Variants in ADAMTSL4 observed in about 807,000 individuals in gnomAD.
The protein encoded by ADAMTSL4 is ADAMTS-like protein 4.
ADAMTSL4 carries 97 observed loss-of-function variants against 122.8 expected under a neutral mutation model. The observed-to-expected ratio is 0.79, with a 90% CI of 0.67 to 0.93. The LOEUF is 0.93. ADAMTSL4 is among the 40% of genes least tolerant of loss of function. The pLI is 0.00. For synonymous variants in ADAMTSL4, 592 were observed against 568.0 expected (o/e 1.04, Z -0.60); for missense variants, 1,408 against 1,453.5 (o/e 0.97, Z 0.51).
intron 12 of ADAMTSL4, 65 bp downstream of exon 12, chr1:150,557,400 T>C (rs2101638736): frequency 6.2e-7 from 1 of 1,604,838 alleles, no homozygotes; most frequent in Admixed American, 1.7e-5. Context: ...TCCCGCATCC[T>C]GGATTGTGGG....
rs587675749 is a variant in ADAMTSL4 at position 150,556,254 on chromosome 1, G to C, written c.1464G>C (p.Ser488=). 1 of 1,613,964 alleles carries C rather than the reference G, an allele frequency of 6.2e-7. No individual in the cohort carries two copies. Among genetic ancestry groups the C allele is most frequent in the African/African-American group, 1.3e-5 (1 of 74,906 alleles). The change falls in exon 9 of 19, where the codon TCG becomes TCC. Residue 488 remains serine, a synonymous_variant. Coordinates refer to ENST00000271643, the MANE Select transcript of ADAMTSL4 (RefSeq NM_019032.6). This position sits in a 1 kb window ranked among gnomAD's most constrained non-coding sequence, Gnocchi z 4.1. ...ATGATTCTACCTGTCGCCTTGTTTC[G>C]GGGAACCTCACTGACCGAGGGGGCC... ...GGDDSTCRLV[S]GNLTDRGGPL...
Position 150,556,449 on chromosome 1 carries a change from C to T in ADAMTSL4, c.1576+83C>T. ...TACTCAGAGCAGTGAGCAAGCCAAA[C>T]AGGGGGAAGTCCAGGGCCTAGCCCC... On this transcript the variant is annotated intron_variant, in intron 9 of 18. Coordinates refer to ENST00000271643, the MANE Select transcript of ADAMTSL4 (RefSeq NM_019032.6). This position sits in a 1 kb window ranked among gnomAD's most constrained non-coding sequence, Gnocchi z 4.1. The T allele has an allele frequency of 6.3e-7, 1 of 1,586,872 alleles. No homozygotes were observed. Among genetic ancestry groups the T allele is most frequent in the East Asian group, 2.3e-5 (1 of 44,294 alleles).
chr1:150,558,544 G>A lies in ADAMTSL4; in HGVS notation c.2454G>A (p.Val818=), dbSNP rs1672447096. The A allele has an allele frequency of 1.2e-6, 2 of 1,613,876 alleles. No homozygotes were observed. The highest frequency in any genetic ancestry group is 1.1e-5 in the South Asian group (1 of 91,080). The stretch of plus-strand genomic sequence containing the variant: ...GTGTTGGGAACAATGGTGATGAAGT[G>A]AGCGAGCAGGAGTGTGCGTCAGGCC... ...VRCVGNNGDE[V]SEQECASGPP... Residue 818 remains valine, a synonymous_variant, in exon 15 of 19, where the codon GTG becomes GTA. Coordinates refer to ENST00000271643, the MANE Select transcript of ADAMTSL4 (RefSeq NM_019032.6).
chr1:150,553,062 T>C lies in ADAMTSL4; in HGVS notation c.243T>C (p.Ser81=). 1 of 1,613,062 alleles carries C rather than the reference T, an allele frequency of 6.2e-7. No individual in the cohort carries two copies. ...CQLPTVQLHP[S]LPLPPRPPRH... The stretch of plus-strand genomic sequence containing the variant: ...TCCCTACAGTGCAGCTCCACCCGAG[T>C]CTGCCCCTCCCTCCCCGGCCCCCAA... The change falls in exon 5 of 19, where the codon AGT becomes AGC. Residue 81 remains serine, a synonymous_variant. Transcript: ENST00000271643.
rs770157227 is a variant in ADAMTSL4 at position 150,559,384 on chromosome 1, C to T, written c.2861C>T (p.Ser954Phe). 23 of 1,613,736 alleles carry T rather than the reference C, an allele frequency of 1.4e-5. No homozygotes were observed. In the African/African-American group the frequency reaches 1.6e-4, roughly 11 times the overall value. ...AACGTGACTTCTCCGAGCAACTGTT[C>T]TCACCTCCCCAGGCCCCCTGCCCTG... ...EFNVTSPSNC[S>F]HLPRPPALQP... is the part of the protein sequence containing the mutation. Residue 954 changes from serine to phenylalanine, a missense_variant, in exon 17 of 19, where the codon TCT becomes TTT. Ser to Phe is a radical substitution (Grantham distance 155). Coordinates refer to ENST00000271643, the MANE Select transcript of ADAMTSL4 (RefSeq NM_019032.6). This position sits in a 1 kb window ranked among gnomAD's most constrained non-coding sequence, Gnocchi z 4.1.
In ADAMTSL4 at chr1:150,552,484, T is replaced by A; in HGVS notation, c.21-59T>A. 6.2e-7 allele frequency: 1 copy of A among 1,609,428 alleles called. No individual in the cohort carries two copies. Reference sequence around the variant, plus strand: ...GGAGCCGGCTGGGGGCGGAGGGCAGTGTTGCAACACCCCCTCTGGCTCCAG... The same window carrying A: ...GGAGCCGGCTGGGGGCGGAGGGCAGAGTTGCAACACCCCCTCTGGCTCCAG... On this transcript the variant is annotated intron_variant, in intron 3 of 18. Coordinates refer to ENST00000271643, the MANE Select transcript of ADAMTSL4 (RefSeq NM_019032.6). This position sits in a 1 kb window ranked among gnomAD's most constrained non-coding sequence, Gnocchi z 4.0.
Position 150,556,604 on chromosome 1 carries a change from T to C in ADAMTSL4, c.1577-17T>C. The C allele has an allele frequency of 6.2e-7, 1 of 1,613,914 alleles. No homozygotes were observed. The highest frequency in any genetic ancestry group is 8.5e-7 in the Non-Finnish European group (1 of 1,179,984). ...TATCACCCTGGAATTTCCCGATCTC[T>C]CACCTCTGACCCGCAGCACTTCGTG... On this transcript the variant is annotated splice_polypyrimidine_tract_variant and intron_variant, in intron 9 of 18. Transcript: ENST00000271643. The surrounding 1 kb of genome is among the most constrained non-coding windows in gnomAD (Gnocchi z 4.1).
At position 150,553,899 on chromosome 1, in the gene ADAMTSL4, C is replaced by T. The variant is rs373499967; in HGVS notation, c.908C>T (p.Pro303Leu). 2 of 1,613,454 alleles carry T rather than the reference C, an allele frequency of 1.2e-6. No homozygotes were observed. The highest frequency in any genetic ancestry group is 2.7e-5 in the African/African-American group (2 of 75,026). ...GCAGGGAGACGCCCTGATCCTTTTC[C>T]TTCGGTCCCTCGGGGCCGAGGCCAG... ...QVAGRRPDPF[P>L]SVPRGRGQQG... The change falls in exon 6 of 19, where the codon CCT becomes CTT. Residue 303 changes from proline (P) to leucine (L), a missense_variant. Pro to Leu is a moderately conservative substitution (Grantham distance 98, BLOSUM62 -3). Transcript: ENST00000271643.
Position 150,559,674 on chromosome 1 carries a change from AC to A in ADAMTSL4, c.2944-85del. ...ATGTCCTAGGAGGGTCCCCACCACC[AC>A]CTTTTGGGGAGAGAGGTGGCAGCCA... On this transcript the variant is annotated intron_variant, in intron 17 of 18. Coordinates refer to ENST00000271643, the MANE Select transcript of ADAMTSL4 (RefSeq NM_019032.6). This position sits in a 1 kb window ranked among gnomAD's most constrained non-coding sequence, Gnocchi z 4.1. The A allele has an allele frequency of 6.2e-7, 1 of 1,604,646 alleles. No homozygotes were observed. The highest frequency in any genetic ancestry group is 8.5e-7 in the Non-Finnish European group (1 of 1,175,202).
Position 150,560,194 on chromosome 1 carries a change from T to C in ADAMTSL4, c.3223T>C (p.Ter1075ArgextTer18), listed in dbSNP as rs1316591024. The C allele has an allele frequency of 6.2e-7, 1 of 1,613,880 alleles. No homozygotes were observed. Among genetic ancestry groups the C allele is most frequent in the African/African-American group, 1.3e-5 (1 of 74,914 alleles). ...VLERSPQDPS[*>R] The stretch of plus-strand genomic sequence containing the variant: ...GGAGCGGTCTCCCCAGGATCCCTCC[T>C]GAAAGGGGTCCGGGGCACCTTCACG... Residue 1075 changes from the stop codon to arginine, a stop_lost, in exon 19 of 19, where the codon TGA becomes CGA. Transcript: ENST00000271643.
chr1:150,558,154 GTT>G lies in ADAMTSL4; in HGVS notation c.2382+7_2382+8del, dbSNP rs1228460172. 9 of 1,613,358 alleles carry G rather than the reference GTT, an allele frequency of 5.6e-6. No homozygotes were observed. The highest frequency in any genetic ancestry group is 6.8e-6 in the Non-Finnish European group (8 of 1,179,980). On this transcript the variant is annotated splice_donor_region_variant and intron_variant, in intron 14 of 18. Transcript: ENST00000271643. ...GTTGGCTCTCCTTGGAGCCAGGTGA[GTT>G]TGCCCAGGCAAGGAGGTGCTGGGGA...
Position 150,554,321 on chromosome 1 carries a change from C to T in ADAMTSL4, c.1132-44C>T. 1 of 1,589,176 alleles carries T rather than the reference C, an allele frequency of 6.3e-7. No individual in the cohort carries two copies. ...CCAGGTTCAGCCCTGCCCCTACCCTCATTTTGCTCCCCAGCTCTGACTCCT... is the reference window on the plus strand; with the variant it reads ...CCAGGTTCAGCCCTGCCCCTACCCTTATTTTGCTCCCCAGCTCTGACTCCT... On this transcript the variant is annotated intron_variant, in intron 6 of 18. Coordinates refer to ENST00000271643, the MANE Select transcript of ADAMTSL4 (RefSeq NM_019032.6). This position sits in a 1 kb window ranked among gnomAD's most constrained non-coding sequence, Gnocchi z 4.0.
intron 14 of ADAMTSL4, 30 bp from the exon 15 acceptor site, chr1:150,558,443 C>T (rs1393733043): frequency 6.2e-7 from 1 of 1,611,908 alleles, no homozygotes; most frequent in Non-Finnish European, 8.5e-7. Flanking sequence ...CTGGGAAGCC[C>T]AGCTCCCTGG....
In ADAMTSL4 at chr1:150,556,655, T is replaced by C; in HGVS notation, c.1611T>C (p.Asn537=). 1 of 1,613,910 alleles carries C rather than the reference T, an allele frequency of 6.2e-7. No homozygotes were observed. The highest frequency in any genetic ancestry group is 8.5e-7 in the Non-Finnish European group (1 of 1,179,940). ...GCCCTGGGGGCCGGTCCATCATCAA[T>C]GGGAACTGGGCTGTGGATCCCCCTG... ...LRGPGGRSII[N]GNWAVDPPGS... is the part of the protein sequence containing the mutation. The change falls in exon 10 of 19, where the codon AAT becomes AAC. Residue 537 remains asparagine, a synonymous_variant. Coordinates refer to ENST00000271643, the MANE Select transcript of ADAMTSL4 (RefSeq NM_019032.6). The surrounding 1 kb of genome is among the most constrained non-coding windows in gnomAD (Gnocchi z 4.1).
chr1:150,559,031 G>A lies in ADAMTSL4; in HGVS notation c.2629G>A (p.Gly877Arg), dbSNP rs372151785. ...CTGCCTTGGGAGTGGGGCAGCCCTC[G>A]GGCCAGGCCAGGGGGAAGCAGGAGC... is the stretch of plus-strand genomic sequence containing the variant. ...VVCLGSGAAL[G>R]PGQGEAGAGT... The change falls in exon 16 of 19, where the codon GGG (glycine) becomes AGG (arginine). Residue 877 changes from glycine (G) to arginine (R), a missense_variant. Gly to Arg is a moderately radical substitution (Grantham distance 125). Coordinates refer to ENST00000271643, the MANE Select transcript of ADAMTSL4 (RefSeq NM_019032.6). This position sits in a 1 kb window ranked among gnomAD's most constrained non-coding sequence, Gnocchi z 4.1. 155 of 1,612,120 alleles carry A rather than the reference G, an allele frequency of 9.6e-5. No homozygotes were observed. The highest frequency in any genetic ancestry group is 5.6e-4 in the East Asian group (25 of 44,862).
chr1:150,559,522 G>A lies in ADAMTSL4; in HGVS notation c.2943+56G>A, dbSNP rs1225188522. On this transcript the variant is annotated intron_variant, in intron 17 of 18. Coordinates refer to ENST00000271643, the MANE Select transcript of ADAMTSL4 (RefSeq NM_019032.6). This position sits in a 1 kb window ranked among gnomAD's most constrained non-coding sequence, Gnocchi z 4.1. The stretch of plus-strand genomic sequence containing the variant: ...CTCAGCCTGGGCCCCTAGGGGAGGG[G>A]AGCTCCTCTCGCTGTACCCCCTCCA... The A allele has an allele frequency of 6.2e-7, 1 of 1,606,544 alleles. No homozygotes were observed. The highest frequency in any genetic ancestry group is 8.5e-7 in the Non-Finnish European group (1 of 1,177,714).
rs199473693 is a variant in ADAMTSL4, at chr1:150,553,749, CCAGAGCCCAGGCCTCTGGCA to C, written c.767_786del (p.Gln256ProfsTer38). ...AGGCCTGCCCCCCTACGGCATCACC[CCAGAGCCCAGGCCTCTGGCA>C]CAGAGCCCCCCTCACCCACGCACTC... is the stretch of plus-strand genomic sequence containing the variant. On this transcript the variant is annotated frameshift_variant, in exon 6 of 19. Transcript: ENST00000271643. LOFTEE classifies it high-confidence loss of function. The C allele has an allele frequency of 1.8e-3, 2,836 of 1,613,744 alleles. 2 individuals carry two copies. The highest frequency in any genetic ancestry group is 2.3e-3 in the Non-Finnish European group (2,671 of 1,179,832).
chr1:150,551,891 CAAAAA>C (rs199813152), intron 2 of ADAMTSL4: 1 of 117,246 alleles, frequency 8.5e-6, no homozygotes, highest in Non-Finnish European at 1.7e-5. Context: ...ATCTCCATCT[CAAAAA>C]AAAAAAAAAA....
At position 150,559,987 on chromosome 1, in the gene ADAMTSL4, G is replaced by GTCT; in HGVS notation, c.3089-73_3089-72insTCT. ...GAGATGAGAAAGGACCAGTGGGAAT[G>GTCT]GGCAGCACACCCATTCCCAGACGGG... On this transcript the variant is annotated intron_variant, in intron 18 of 18. Transcript: ENST00000271643. This position sits in a 1 kb window ranked among gnomAD's most constrained non-coding sequence, Gnocchi z 4.1. 1 of 1,613,906 alleles carries GTCT rather than the reference G, an allele frequency of 6.2e-7. No individual in the cohort carries two copies. Among genetic ancestry groups the GTCT allele is most frequent in the Non-Finnish European group, 8.5e-7 (1 of 1,179,996 alleles).
Sources: allele counts gnomAD v4.1 joint callset, GRCh38; gene constraint gnomAD v4.1.1; non-coding constraint Gnocchi (gnomAD v3.1); transcripts MANE v1.5; gene names NCBI Gene and HGNC (gene_info 2026-07-23, HGNC 2026-07-21).